KANK1: variants seen among roughly 807,000 people sequenced by gnomAD.
The protein encoded by KANK1 is KN motif and ankyrin repeat domains 1, also known as KN motif and ankyrin repeat domain-containing protein 1.
A neutral mutation model predicts 106.2 loss-of-function variants in KANK1; 109 were observed. That is an observed-to-expected ratio of 1.03 (90% CI 0.88 to 1.20). KANK1 has a LOEUF of 1.20. Among genes scored for constraint, KANK1 ranks in the 50% most tolerant of loss-of-function variants. The pLI is 0.00. For synonymous variants in KANK1, 873 were observed against 652.2 expected, an observed-to-expected ratio of 1.34 and a Z score of -5.16; for missense variants, 2,399 against 1,710.7, an observed-to-expected ratio of 1.40 and a Z score of -7.10.
intron 1 of KANK1, among the ~76,000 whole-genome samples, chr9:623,848 A>C (rs10975462): frequency 6.6e-6 from 1 of 151,858 alleles, no homozygotes; most frequent in African/African-American, 2.4e-5. Context: ...GTAAAAATCA[A>C]CTATATGATC....
At chr9:660,126 T>A in intron 1 of KANK1, 1 of 404,734 alleles carries the variant, frequency 2.5e-6, no homozygotes. Flanking sequence ...CTTACTACTG[T>A]CCAAGGGACT....
intron 1 of KANK1, among the ~76,000 whole-genome samples, chr9:507,134 T>TC (rs916235550): frequency 1.1e-5 from 1 of 92,200 alleles, no homozygotes; most frequent in Non-Finnish European, 1.9e-5. Context: ...TTATGCCATC[T>TC]TTTTTTTTTT....
intron 3 of KANK1, among the ~76,000 whole-genome samples, chr9:482,126 C>T (rs1200141727): frequency 6.6e-6 from 1 of 152,172 alleles, no homozygotes; most frequent in East Asian, 1.9e-4. Context: ...CACCTGCAGT[C>T]AGAGCCCTTA....
At chr9:536,541 T>C (rs2060309598) in intron 1 of KANK1, among the ~76,000 whole-genome samples, 1 of 152,184 alleles carries the variant, frequency 6.6e-6, no homozygotes, top group Non-Finnish European at 1.5e-5. Context: ...TTCTTCATCT[T>C]CAAAGCCACC....
At chr9:493,349 G>T (rs548088624) in intron 3 of KANK1, among the ~76,000 whole-genome samples, 2 of 152,104 alleles carry the variant, frequency 1.3e-5, no homozygotes, top group Non-Finnish European at 2.9e-5. Context: ...CTCCTTAGAA[G>T]AGTGAAGAAG....
chr9:575,862 A>C (rs1820414897), intron 1 of KANK1, among the ~76,000 whole-genome samples: 1 of 152,178 alleles, frequency 6.6e-6, no homozygotes, highest in Admixed American at 6.5e-5. Context: ...GTCTCTATTA[A>C]AAATACAAAA....
rs1158186864 is a variant in KANK1, at chr9:580,769, C to CGCACTCCT, written c.-84+76017_-84+76024dup. On this transcript the variant is annotated intron_variant, in intron 1 of 11. Transcript: ENST00000382297. ...GCCTGCCAGTCCCGCGCTGTGCGCC[C>CGCACTCCT]GCACTCCTGAGCCCTTGGGTAGTCA... Among the ~76,000 whole-genome samples the CGCACTCCT allele has an allele frequency of 8.5e-5, 13 of 152,372 alleles. No homozygotes were observed. In the Middle Eastern group the frequency reaches 0.01, roughly 120 times the overall value.
At chr9:574,853 T>TC in intron 1 of KANK1, among the ~76,000 whole-genome samples, 1 of 112,036 alleles carries the variant, frequency 8.9e-6, no homozygotes, top group East Asian at 2.8e-4. Flanking sequence ...AGACTCCGTC[T>TC]CAAAAAAAAA....
chr9:665,091 A>G (rs1432186006), intron 1 of KANK1, among the ~76,000 whole-genome samples: 3 of 152,098 alleles, frequency 2.0e-5, no homozygotes, highest in African/African-American at 7.2e-5. Context: ...GTAGTTTGCA[A>G]ATACTTTCTC....
chr9:567,566 C>T (rs1370792226), intron 1 of KANK1, among the ~76,000 whole-genome samples: 1 of 152,202 alleles, frequency 6.6e-6, no homozygotes, highest in Non-Finnish European at 1.5e-5. Context: ...AGTTTCACTT[C>T]CCTCTTCTAA....
chr9:671,052 G>GAT (rs1845795263), intron 1 of KANK1, among the ~76,000 whole-genome samples: 1 of 147,648 alleles, frequency 6.8e-6, no homozygotes, highest in Admixed American at 6.9e-5. Flanking sequence ...TAATCTCGAT[G>GAT]GTGTATATTT....
chr9:742,257 T>C lies in KANK1; in HGVS notation c.3749T>C (p.Val1250Ala). Residue 1250 changes from valine (V) to alanine (A), a missense_variant, in exon 10 of 12, where the codon GTG becomes GCG. Transcript: ENST00000382297. ...LAVSHGRIDM[V>A]KGLLACGADV... ...GTCAGTCACGGACGGATAGACATGG[T>C]GAAGGGCCTTCTGGCCTGTGGGGCT... 1 of 1,614,096 alleles carries C rather than the reference T, an allele frequency of 6.2e-7. No individual in the cohort carries two copies. The highest frequency in any genetic ancestry group is 8.5e-7 in the Non-Finnish European group (1 of 1,180,020).
rs999111004 is a variant in KANK1 at position 723,957 on chromosome 9, G to A, written c.2699-6094G>A. On this transcript the variant is annotated intron_variant, in intron 3 of 11. Coordinates refer to ENST00000382297, the MANE Select transcript of KANK1 (RefSeq NM_015158.5). ...AAATACGAAAAAAAAAAAAAAAGAA[G>A]CCAGGCGTGGTTTTGTACGTCTGTG... Among the ~76,000 whole-genome samples, 41 of 143,434 alleles carry A rather than the reference G, an allele frequency of 2.9e-4. No homozygotes were observed. The East Asian group carries it at 8.0e-3, about 28-fold the overall frequency. 94.1% of individuals were successfully genotyped at this position (143,434 alleles called of 152,430 possible). A position where few individuals can be genotyped will look rare whatever the true frequency, so the allele number is the denominator to read the frequency against.
chr9:660,225 G>T, intron 1 of KANK1: 1 of 259,264 alleles, frequency 3.9e-6, no homozygotes, highest in South Asian at 5.5e-5. Context: ...CCAGAATATG[G>T]AGGTCATTCA....
intron 11 of KANK1, chr9:744,969 TCC>T: frequency 6.8e-7 from 1 of 1,473,050 alleles, no homozygotes; most frequent in Non-Finnish European, 9.0e-7. Flanking sequence ...GAAGGTGACT[TCC>T]CAGGACAGCC....
At chr9:588,873 C>T (rs1824164036) in intron 1 of KANK1, among the ~76,000 whole-genome samples, 1 of 152,242 alleles carries the variant, frequency 6.6e-6, no homozygotes, top group East Asian at 1.9e-4. Flanking sequence ...GGTATGTGTT[C>T]AGTAATTGTT....
At chr9:640,063 C>T (rs1321375931) in intron 1 of KANK1, among the ~76,000 whole-genome samples, 1 of 152,104 alleles carries the variant, frequency 6.6e-6, no homozygotes, top group East Asian at 1.9e-4. Context: ...GTCTCTCAGA[C>T]CTCGTTGTAC....
intron 1 of KANK1, among the ~76,000 whole-genome samples, chr9:510,980 A>G (rs1414342753): frequency 2.6e-5 from 4 of 152,224 alleles, no homozygotes; most frequent in Non-Finnish European, 4.4e-5. Context: ...ATTATGTGCA[A>G]GGCCCTGGTG....
chr9:478,667 G>T (rs1564110248), intron 3 of KANK1, among the ~76,000 whole-genome samples: 1 of 152,142 alleles, frequency 6.6e-6, no homozygotes, highest in Non-Finnish European at 1.5e-5. Context: ...CTAGAAAGGA[G>T]GGCAGACAAT....
Sources: allele counts gnomAD v4.1 joint callset (sites outside exome capture counted in the v4.1 genomes callset), GRCh38; gene constraint gnomAD v4.1.1; transcripts MANE v1.5; gene names NCBI Gene and HGNC (gene_info 2026-07-23, HGNC 2026-07-21).